PDGFC: variants seen among roughly 807,000 people sequenced by gnomAD.
The protein encoded by PDGFC is platelet derived growth factor C, also known as platelet-derived growth factor C.
A neutral mutation model predicts 35.5 loss-of-function variants in PDGFC; 12 were observed. That is an observed-to-expected ratio of 0.34 (90% confidence interval 0.22 to 0.55). PDGFC has a LOEUF of 0.55. Among genes scored for constraint, PDGFC ranks in the 20% least tolerant of loss-of-function variants. The pLI, the probability that PDGFC is intolerant of heterozygous loss-of-function variation, is 0.91. For synonymous variants in PDGFC, 159 were observed against 148.8 expected, an observed-to-expected ratio of 1.07 and a Z score of -0.50; for missense variants, 322 against 412.4, an observed-to-expected ratio of 0.78 and a Z score of 1.90.
intron 1 of PDGFC, among the ~76,000 whole-genome samples, chr4:156,881,628 C>T (rs568492802): frequency 3.0e-4 from 45 of 152,014 alleles, no homozygotes; most frequent in South Asian, 2.9e-3. Flanking sequence ...GTCAGGAGTC[C>T]GAGACCAGCC....
At position 156,828,501 on chromosome 4, in the gene PDGFC, G is replaced by T. The variant is rs547584724; in HGVS notation, c.315-17484C>A. On this transcript the variant is annotated intron_variant, in intron 2 of 5. Coordinates refer to ENST00000502773, the MANE Select transcript of PDGFC (RefSeq NM_016205.3). The stretch of plus-strand genomic sequence containing the variant: ...AATTTACCTCTGTTTTCTAATTTAA[G>T]GTACAAGAATGACTCAAAGAGCTAT... 2.0e-5 allele frequency among the ~76,000 whole-genome samples: 3 copies of T among 152,166 alleles called. No homozygotes were observed. The East Asian group carries it at 5.8e-4, about 29-fold the overall frequency.
At chr4:156,812,987 T>A (rs1290376932) in intron 2 of PDGFC, among the ~76,000 whole-genome samples, 1 of 152,102 alleles carries the variant, frequency 6.6e-6, no homozygotes. Flanking sequence ...TCCAGGGTTA[T>A]AAGTTACATA....
intron 1 of PDGFC, among the ~76,000 whole-genome samples, chr4:156,959,586 T>G (rs1169789413): frequency 1.3e-5 from 2 of 152,092 alleles, no homozygotes; most frequent in African/African-American, 4.8e-5. Flanking sequence ...TTTGTAGTTT[T>G]GAAACACCAC....
intron 2 of PDGFC, among the ~76,000 whole-genome samples, chr4:156,825,723 T>C (rs1354321753): frequency 5.3e-5 from 8 of 151,734 alleles, no homozygotes; most frequent in African/African-American, 7.3e-5. Context: ...TGTAGTTTAC[T>C]CTCTGTCGGA....
At chr4:156,884,970 A>G (rs1050777845) in intron 1 of PDGFC, among the ~76,000 whole-genome samples, 2 of 152,202 alleles carry the variant, frequency 1.3e-5, no homozygotes, top group African/African-American at 4.8e-5. Context: ...AACTCTTAAT[A>G]TAAACTCAAT....
At chr4:156,873,898 C>A (rs142986146) in intron 1 of PDGFC, 1 of 152,270 alleles carries the variant, frequency 6.6e-6, no homozygotes, top group African/African-American at 2.4e-5. Context: ...AATTCAAAGA[C>A]GACTTACATC....
Position 156,850,340 on chromosome 4 carries a change from A to G in PDGFC, c.195T>C (p.His65=), listed in dbSNP as rs1219264381. The change falls in exon 2 of 6, where the codon CAT becomes CAC. Residue 65 remains histidine (H), a synonymous_variant. Coordinates refer to ENST00000502773, the MANE Select transcript of PDGFC (RefSeq NM_016205.3). ...CCAAGACCGTATTTCTTGGATAAGT[A>G]TGAGGAAACCTTGGGCTGTGAATAC... is the stretch of plus-strand genomic sequence containing the variant. ...NGSIHSPRFP[H]TYPRNTVLVW... 1 of 1,609,604 alleles carries G rather than the reference A, an allele frequency of 6.2e-7. No homozygotes were observed. The highest frequency in any genetic ancestry group is 8.5e-7 in the Non-Finnish European group (1 of 1,176,656).
chr4:156,911,046 A>G lies in PDGFC; in HGVS notation c.118+59740T>C, dbSNP rs923046411. Reference sequence around the variant, plus strand: ...TTTACAGAGCAAAAGTTTTATTTTCATGAAGCCAAATTTACCAGTCATTCC... The same window carrying G: ...TTTACAGAGCAAAAGTTTTATTTTCGTGAAGCCAAATTTACCAGTCATTCC... On this transcript the variant is annotated intron_variant, in intron 1 of 5. Coordinates refer to ENST00000502773, the MANE Select transcript of PDGFC (RefSeq NM_016205.3). Among the ~76,000 whole-genome samples the G allele has an allele frequency of 2.0e-5, 3 of 152,152 alleles. No homozygotes were observed. In the East Asian group the frequency reaches 5.8e-4, roughly 29 times the overall value.
At chr4:156,830,128 A>C (rs1728891945) in intron 2 of PDGFC, among the ~76,000 whole-genome samples, 1 of 152,186 alleles carries the variant, frequency 6.6e-6, no homozygotes, top group South Asian at 2.1e-4. Context: ...TACTAAGTTG[A>C]AAAATTATAA....
At chr4:156,789,271 T>A (rs1208818485) in intron 3 of PDGFC, among the ~76,000 whole-genome samples, 1 of 152,222 alleles carries the variant, frequency 6.6e-6, no homozygotes, top group African/African-American at 2.4e-5. Context: ...TTTTTCTGGT[T>A]TGACAAAATA....
At chr4:156,957,465 C>A (rs1431369793) in intron 1 of PDGFC, among the ~76,000 whole-genome samples, 1 of 151,860 alleles carries the variant, frequency 6.6e-6, no homozygotes, top group Admixed American at 6.6e-5. Context: ...TCATCTGGGC[C>A]AATTTCTGTG....
chr4:156,793,824 G>T (rs1262758265), intron 3 of PDGFC, among the ~76,000 whole-genome samples: 1 of 121,508 alleles, frequency 8.2e-6, no homozygotes, highest in African/African-American at 4.1e-5. Context: ...CACATTTTTG[G>T]ATTAAAAAAA....
At chr4:156,832,783 A>G (rs1017591134) in intron 2 of PDGFC, among the ~76,000 whole-genome samples, 3 of 152,210 alleles carry the variant, frequency 2.0e-5, no homozygotes, top group Middle Eastern at 3.2e-3. Flanking sequence ...TACAGGGCCG[A>G]CTTTTCCAAT....
chr4:156,870,680 A>AG (rs397878545), intron 1 of PDGFC, among the ~76,000 whole-genome samples: 3 of 152,066 alleles, frequency 2.0e-5, no homozygotes, highest in African/African-American at 7.2e-5. Flanking sequence ...CTTCAAAAGA[A>AG]TGTTCAACCC....
chr4:156,915,329 AGTTT>A (rs1731133386), intron 1 of PDGFC, among the ~76,000 whole-genome samples: 2 of 152,108 alleles, frequency 1.3e-5, no homozygotes. Context: ...GGTGGTCATC[AGTTT>A]CTATTAGCTT....
chr4:156,834,909 T>A (rs1211928881), intron 2 of PDGFC, among the ~76,000 whole-genome samples: 2 of 151,708 alleles, frequency 1.3e-5, no homozygotes, highest in Non-Finnish European at 2.9e-5. Context: ...GTCATATAGT[T>A]AGTCTGAAAA....
intron 2 of PDGFC, among the ~76,000 whole-genome samples, chr4:156,825,731 G>A (rs986337448): frequency 7.3e-5 from 11 of 151,658 alleles, no homozygotes; most frequent in East Asian, 3.9e-4. Flanking sequence ...ACTCTCTGTC[G>A]GAAGGGACCC....
At chr4:156,943,100 C>A (rs1731852434) in intron 1 of PDGFC, among the ~76,000 whole-genome samples, 2 of 152,024 alleles carry the variant, frequency 1.3e-5, no homozygotes, top group South Asian at 4.1e-4. Flanking sequence ...TGCTTAAATG[C>A]TCTACTCACT....
At chr4:156,837,358 A>G (rs184699573) in intron 2 of PDGFC, among the ~76,000 whole-genome samples, 1 of 152,104 alleles carries the variant, frequency 6.6e-6, no homozygotes, top group African/African-American at 2.4e-5. Flanking sequence ...CAGCCTGGTG[A>G]CAGAGTGAGA....
Sources: gnomAD v4.1 joint callset for allele counts (sites outside exome capture counted in the v4.1 genomes callset) on GRCh38, gnomAD v4.1.1 for gene constraint, MANE v1.5 for transcripts, NCBI Gene and HGNC (gene_info 2026-07-23, HGNC 2026-07-21) for gene names.